The following LMNTD1 variants were observed in gnomAD, a reference collection of about 807,000 sequenced individuals.
LMNTD1 encodes lamin tail domain containing 1, also known as lamin tail domain-containing protein 1.
A neutral mutation model predicts 50.9 loss-of-function variants in LMNTD1; 35 were observed. The ratio of observed to expected loss-of-function variants is 0.69; its 90% confidence interval spans 0.53 to 0.91. LMNTD1 has a LOEUF of 0.91. LMNTD1 is among the 40% of genes least tolerant of loss of function. The pLI is 0.00. For synonymous variants in LMNTD1, 153 were observed against 161.9 expected (o/e 0.94, Z 0.42); for missense variants, 470 against 475.5 (o/e 0.99, Z 0.11).
At chr12:25,551,454 A>G (rs1294243713) in intron 2 of LMNTD1, among the ~76,000 whole-genome samples, 1 of 152,048 alleles carries the variant, frequency 6.6e-6, no homozygotes, top group East Asian at 1.9e-4. Flanking sequence ...CAGTGGTACA[A>G]TCATAGTTTA....
chr12:25,615,046 T>C (rs778156913), intron 1 of LMNTD1, among the ~76,000 whole-genome samples: 3 of 152,126 alleles, frequency 2.0e-5, no homozygotes, highest in Non-Finnish European at 4.4e-5. Flanking sequence ...ACCGTCACAA[T>C]CTGAGGTACT....
chr12:25,643,281 G>C (rs368463280), intron 1 of LMNTD1, among the ~76,000 whole-genome samples: 1 of 152,134 alleles, frequency 6.6e-6, no homozygotes, highest in Non-Finnish European at 1.5e-5. Flanking sequence ...TGACAAGAAG[G>C]AGCAAGACAT....
chr12:25,485,326 TCCTTCA>T (rs1309768461), intron 9 of LMNTD1, among the ~76,000 whole-genome samples: 1 of 146,254 alleles, frequency 6.8e-6, no homozygotes, highest in Non-Finnish European at 1.5e-5. Context: ...TCTGTTCATA[TCCTTCA>T]CCCACTTTTT....
intron 1 of LMNTD1, among the ~76,000 whole-genome samples, chr12:25,627,795 T>C (rs1946623313): frequency 1.3e-5 from 2 of 152,208 alleles, no homozygotes; most frequent in African/African-American, 2.4e-5. Context: ...ATCTTTCTTG[T>C]AGCCAATCCT....
At chr12:25,539,432 G>A (rs375958150) in intron 4 of LMNTD1, among the ~76,000 whole-genome samples, 74 of 150,814 alleles carry the variant, frequency 4.9e-4, no homozygotes, top group African/African-American at 1.4e-3. Flanking sequence ...ACTCAAAACC[G>A]CTCAACTACA....
At chr12:25,614,472 T>A (rs1414904453) in intron 1 of LMNTD1, among the ~76,000 whole-genome samples, 1 of 152,190 alleles carries the variant, frequency 6.6e-6, no homozygotes, top group Non-Finnish European at 1.5e-5. Context: ...AGAGTAGTCA[T>A]CCATGAACTG....
At chr12:25,497,492 T>A (rs1939128024) in intron 9 of LMNTD1, 1 of 153,026 alleles carries the variant, frequency 6.5e-6, no homozygotes, top group Admixed American at 6.5e-5. Flanking sequence ...TAAGGAAAGG[T>A]CCTGCAACAA....
chr12:25,545,155 G>C (rs964855812), intron 4 of LMNTD1, among the ~76,000 whole-genome samples: 1 of 151,578 alleles, frequency 6.6e-6, no homozygotes, highest in African/African-American at 2.4e-5. Context: ...GATAGGTCTC[G>C]TGGTGGTGAA....
At chr12:25,597,793 A>C (rs991490756) in intron 1 of LMNTD1, among the ~76,000 whole-genome samples, 6 of 152,230 alleles carry the variant, frequency 3.9e-5, no homozygotes, top group Non-Finnish European at 8.8e-5. Context: ...AACAATGTCC[A>C]GCATCTTCTC....
chr12:25,547,214 G>A, intron 3 of LMNTD1: 1 of 963,698 alleles, frequency 1.0e-6, no homozygotes, highest in South Asian at 4.8e-5. Context: ...TATCCGCAAA[G>A]GGGGAGTTAC....
intron 6 of LMNTD1, among the ~76,000 whole-genome samples, chr12:25,520,980 T>C (rs1309531992): frequency 6.6e-6 from 1 of 152,262 alleles, no homozygotes; most frequent in Non-Finnish European, 1.5e-5. Flanking sequence ...CATCTTTTAA[T>C]GTATCTGTTG....
intron 1 of LMNTD1, among the ~76,000 whole-genome samples, chr12:25,642,064 T>A (rs567340887): frequency 7.2e-5 from 11 of 152,232 alleles, no homozygotes; most frequent in African/African-American, 2.6e-4. Flanking sequence ...TCCATCCAAA[T>A]CTTTAAAAAA....
intron 4 of LMNTD1, among the ~76,000 whole-genome samples, chr12:25,544,328 T>A (rs1220982520): frequency 2.0e-5 from 3 of 149,058 alleles, no homozygotes; most frequent in African/African-American, 7.4e-5. Context: ...TGACCTTCTT[T>A]GTCTCTTTTT....
In LMNTD1 at chr12:25,560,116, C is replaced by T. The variant is rs1418231164; in HGVS notation, c.59-13562G>A. Reference sequence around the variant, plus strand: ...GGTGTTTTAGACATGAAGTCCTTGCCGATGCCTATGTCCTGAATGGTATTG... The same window carrying T: ...GGTGTTTTAGACATGAAGTCCTTGCTGATGCCTATGTCCTGAATGGTATTG... On this transcript the variant is annotated intron_variant, in intron 1 of 7. Transcript: ENST00000445693. Among the ~76,000 whole-genome samples, 6 of 152,250 alleles carry T rather than the reference C, an allele frequency of 3.9e-5. No homozygotes were observed. In the South Asian group the frequency reaches 6.2e-4, roughly 16 times the overall value.
At chr12:25,639,558 G>T (rs924221951) in intron 1 of LMNTD1, among the ~76,000 whole-genome samples, 1 of 152,122 alleles carries the variant, frequency 6.6e-6, no homozygotes, top group Non-Finnish European at 1.5e-5. Context: ...CACACGAAAA[G>T]ATCATTAATC....
chr12:25,483,229 A>G (rs1005134097), intron 9 of LMNTD1, among the ~76,000 whole-genome samples: 3 of 151,560 alleles, frequency 2.0e-5, no homozygotes, highest in African/African-American at 7.3e-5. Context: ...GTTGGAGACC[A>G]GCCTTGGCAA....
At chr12:25,561,677 T>A (rs1196528205) in intron 1 of LMNTD1, among the ~76,000 whole-genome samples, 2 of 152,136 alleles carry the variant, frequency 1.3e-5, no homozygotes, top group Non-Finnish European at 2.9e-5. Context: ...CAGAGCTGAG[T>A]TCAGGTCCTG....
chr12:25,527,675 TATATATACACACACACAC>T (rs1307177827), intron 4 of LMNTD1, among the ~76,000 whole-genome samples: 11 of 21,990 alleles, frequency 5.0e-4, no homozygotes, highest in East Asian at 7.4e-3. Flanking sequence ...TATATATATA[TATATATACACACACACAC>T]ACACACACAC....
chr12:25,590,186 C>A (rs1945652924), intron 1 of LMNTD1, among the ~76,000 whole-genome samples: 2 of 152,290 alleles, frequency 1.3e-5, no homozygotes, highest in Admixed American at 1.3e-4. Flanking sequence ...TCACTGACAC[C>A]AACCGTCCCC....
Sources: gnomAD v4.1 joint callset for allele counts (sites outside exome capture counted in the v4.1 genomes callset) on GRCh38, gnomAD v4.1.1 for gene constraint, MANE v1.5 for transcripts, NCBI Gene and HGNC (gene_info 2026-07-23, HGNC 2026-07-21) for gene names.